Variants in KERA observed in about 807,000 individuals in gnomAD.
KERA encodes keratocan, also known as keratan sulfate proteoglycan keratocan.
Under a neutral mutation model 26.4 loss-of-function variants are expected in KERA, and 25 were observed. The observed-to-expected ratio is 0.95, with a 90% CI of 0.69 to 1.32. KERA has a LOEUF of 1.32. Ranked by LOEUF, KERA falls within the 40% of genes most tolerant of loss-of-function variation. The pLI, the probability that KERA is intolerant of heterozygous loss-of-function variation, is 0.00. For missense variants in KERA, 434 were observed against 408.9 expected (o/e 1.06, Z -0.53); for synonymous variants, 167 against 146.1 (o/e 1.14, Z -1.03).
Position 91,057,897 on chromosome 12 carries a change from C to G in KERA, c.-162G>C, listed in dbSNP as rs1879058421. On this transcript the variant is annotated 5_prime_UTR_variant, in exon 1 of 3. Coordinates refer to ENST00000266719, the MANE Select transcript of KERA (RefSeq NM_007035.4). ...GAGAAACAGTGAAACCTACTCGTCC[C>G]AGTCACCATGAACACCTTTGATCTA... 1 of 151,098 alleles carries G rather than the reference C, an allele frequency of 6.6e-6. No individual in the cohort carries two copies. Among genetic ancestry groups the G allele is most frequent in the Non-Finnish European group, 1.5e-5 (1 of 67,434 alleles). 9.4% of individuals were successfully genotyped at this position (151,098 alleles called of 1,614,324 possible).
Position 91,055,953 on chromosome 12 carries a change from T to C in KERA, c.329A>G (p.Tyr110Cys), listed in dbSNP as rs1335337911. ...INLNKNKITN[Y>C]GIEKGALSQL... ...GCTTAGGGCTCCTTTTTCAATTCCG[T>C]AGTTGGTTATTTTGTTCTTGTTTAG... Residue 110 changes from tyrosine (Y) to cysteine (C), a missense_variant, in exon 2 of 3, where the codon TAC (tyrosine) becomes TGC (cysteine). Tyr to Cys is a radical substitution (Grantham distance 194, BLOSUM62 -2). Transcript: ENST00000266719. 2 of 1,610,972 alleles carry C rather than the reference T, an allele frequency of 1.2e-6. No homozygotes were observed. The highest frequency in any genetic ancestry group is 1.3e-5 in the African/African-American group (1 of 74,610).
At chr12:91,054,672 G>A (rs561708506) in intron 2 of KERA, among the ~76,000 whole-genome samples, 2 of 151,446 alleles carry the variant, frequency 1.3e-5, no homozygotes, top group South Asian at 2.1e-4. Context: ...CAGGAAAGGA[G>A]AGAGTATTCT....
rs780507479 is a variant in KERA at position 91,055,666 on chromosome 12, T to C, written c.616A>G (p.Asn206Asp). The C allele has an allele frequency of 6.2e-7, 1 of 1,611,384 alleles. No homozygotes were observed. The highest frequency in any genetic ancestry group is 1.1e-5 in the South Asian group (1 of 91,028). Residue 206 changes from asparagine (N) to aspartate (D), a missense_variant, in exon 2 of 3, where the codon AAT becomes GAT. Transcript: ENST00000266719. ...QLNMAKNALR[N>D]MPPRLPANTM... ...TTGGCTGGTAATCTTGGAGGCATAT[T>C]CCTCAGGGCATTCTTGGCCATGTTT...
rs564718778 is a variant in KERA at position 91,054,714 on chromosome 12, T to G, written c.886+682A>C. 9.4e-4 allele frequency among the ~76,000 whole-genome samples: 143 copies of G among 151,388 alleles called. 1 individual carries two copies. The highest frequency in any genetic ancestry group is 3.2e-3 in the African/African-American group (133 of 41,442). On this transcript the variant is annotated intron_variant, in intron 2 of 2. Transcript: ENST00000266719. Reference sequence around the variant, plus strand: ...CGATTGCCTGTAAGTCCCAAGGAGTTGCCAGCTACCAGGGAAATTTCTTTC... The same window carrying G: ...CGATTGCCTGTAAGTCCCAAGGAGTGGCCAGCTACCAGGGAAATTTCTTTC...
At chr12:91,057,305 T>C (rs1879033182) in intron 1 of KERA, among the ~76,000 whole-genome samples, 3 of 149,332 alleles carry the variant, frequency 2.0e-5, no homozygotes, top group East Asian at 3.9e-4. Context: ...TTGGTACAAA[T>C]AATTATTTTA....
At chr12:91,052,229 G>A (rs1878886993) in intron 2 of KERA, among the ~76,000 whole-genome samples, 1 of 151,512 alleles carries the variant, frequency 6.6e-6, no homozygotes, top group African/African-American at 2.4e-5. Context: ...TTGTGCACCT[G>A]CCTTGGATCA....
intron 1 of KERA, among the ~76,000 whole-genome samples, chr12:91,056,571 T>C (rs529733507): frequency 6.6e-6 from 1 of 151,328 alleles, no homozygotes; most frequent in Admixed American, 6.6e-5. Context: ...CTCTAAGTGT[T>C]TTTCCATTTC....
Position 91,055,828 on chromosome 12 carries a change from T to A in KERA, c.454A>T (p.Asn152Tyr). The change falls in exon 2 of 3, where the codon AAT becomes TAT. Residue 152 changes from asparagine to tyrosine, a missense_variant. Physicochemically the swap from Asn to Tyr is moderately radical, Grantham distance 143. Coordinates refer to ENST00000266719, the MANE Select transcript of KERA (RefSeq NM_007035.4). ...CCTTGAGGAATTCTGGACACCTTAT[T>A]TCTAGCTAATTGTAATTGTTCTAAA... ...RSLEQLQLAR[N>Y]KVSRIPQGTF... 6.2e-7 allele frequency: 1 copy of A among 1,611,326 alleles called. No homozygotes were observed. Among genetic ancestry groups the A allele is most frequent in the Non-Finnish European group, 8.5e-7 (1 of 1,178,220 alleles).
chr12:91,051,371 C>A lies in KERA; in HGVS notation c.1034G>T (p.Arg345Ile), dbSNP rs1253783422. The change falls in exon 3 of 3, where the codon AGA becomes ATA. Residue 345 changes from arginine (R) to isoleucine (I), a missense_variant. Physicochemically the swap from Arg to Ile is moderately conservative, Grantham distance 97. Coordinates refer to ENST00000266719, the MANE Select transcript of KERA (RefSeq NM_007035.4). The part of the protein sequence containing the change: ...PIPMALMTCF[R>I]LLQAVII ...TTAAATAATGACAGCCTGCAGAAGT[C>A]TGAAGCAGGTCATTAAAGCCATTGG... is the stretch of plus-strand genomic sequence containing the variant. The A allele has an allele frequency of 1.2e-6, 2 of 1,611,126 alleles. No homozygotes were observed. Among genetic ancestry groups the A allele is most frequent in the East Asian group, 4.5e-5 (2 of 44,800 alleles).
rs12320366 is a variant in KERA, at chr12:91,056,207, C to T, written c.75G>A (p.Gln25=). 223,611 of 1,608,832 alleles carry T rather than the reference C, an allele frequency of 0.14. 21,262 individuals carry two copies. The highest frequency in any genetic ancestry group is 0.5 in the African/African-American group (37,070 of 74,576). ...CATCTGAATCATGTACTTCATAGAC[C>T]TGCCTCACACTTCTAGACCACACAG... is the stretch of plus-strand genomic sequence containing the variant. ...TDTVWSRSVR[Q]VYEVHDSDDW... is the part of the protein sequence containing the mutation. Residue 25 remains glutamine (Q), a synonymous_variant, in exon 2 of 3, where the codon CAG becomes CAA. Coordinates refer to ENST00000266719, the MANE Select transcript of KERA (RefSeq NM_007035.4).
chr12:91,056,007 T>C lies in KERA; in HGVS notation c.275A>G (p.Glu92Gly). 6.2e-7 allele frequency: 1 copy of C among 1,610,426 alleles called. No individual in the cohort carries two copies. Among genetic ancestry groups the C allele is most frequent in the South Asian group, 1.1e-5 (1 of 90,892 alleles). The change falls in exon 2 of 3, where the codon GAG becomes GGG. Residue 92 changes from glutamate to glycine, a missense_variant. By Grantham distance (98) the Glu-to-Gly change is moderately conservative (BLOSUM62 -2). Transcript: ENST00000266719. ...LIETIPEKPFENATQLRWINL... is the reference protein window; with the variant it reads ...LIETIPEKPFGNATQLRWINL... Reference sequence around the variant, plus strand: ...TATCCATCTTAGCTGGGTGGCATTCTCAAATGGCTTTTCAGGAATGGTTTC... The same window carrying C: ...TATCCATCTTAGCTGGGTGGCATTCCCAAATGGCTTTTCAGGAATGGTTTC...
Position 91,055,446 on chromosome 12 carries a change from CG to C in KERA, c.835del (p.Arg279GlufsTer19). ...AAGGTGCTGCAGATGAGCACTGATT[CG>C]GGGAACCTTTGTGAGTTGATTGTGC... ...LSHNQLTKVPRISAHLQHLHL... is the reference protein window; with the variant it reads ...LSHNQLTKVPXISAHLQHLHL... On this transcript the variant is annotated frameshift_variant, in exon 2 of 3. Transcript: ENST00000266719. LOFTEE classifies it high-confidence loss of function. 1 of 1,610,216 alleles carries C rather than the reference CG, an allele frequency of 6.2e-7. No individual in the cohort carries two copies. The highest frequency in any genetic ancestry group is 2.2e-5 in the East Asian group (1 of 44,776).
intron 1 of KERA, among the ~76,000 whole-genome samples, chr12:91,056,977 T>TCTCTC (rs1555186013): frequency 2.0e-5 from 3 of 146,980 alleles, no homozygotes; most frequent in African/African-American, 7.5e-5. Context: ...CTCTCTCCCT[T>TCTCTC]TCTCTCTCTC....
In KERA at chr12:91,050,873, A is replaced by G. The variant is rs1878848074; in HGVS notation, c.*473T>C. The G allele has an allele frequency of 1.2e-5, 2 of 163,462 alleles. No homozygotes were observed. Among genetic ancestry groups the G allele is most frequent in the Non-Finnish European group, 2.7e-5 (2 of 73,882 alleles). The allele number at this position is 163,462 out of a possible 1,614,324, so 10.1% of individuals were successfully genotyped here. A position where few individuals can be genotyped will look rare whatever the true frequency, so the allele number is the denominator to read the frequency against. ...TATCAAACTTGTACCACCAACAGCT[A>G]CTTAGCAATCTGCAATTGTTTTATT... On this transcript the variant is annotated 3_prime_UTR_variant, in exon 3 of 3. Coordinates refer to ENST00000266719, the MANE Select transcript of KERA (RefSeq NM_007035.4).
Position 91,056,272 on chromosome 12 carries a change from T to A in KERA, c.10A>T (p.Thr4Ser). The A allele has an allele frequency of 6.2e-7, 1 of 1,609,012 alleles. No individual in the cohort carries two copies. The highest frequency in any genetic ancestry group is 2.2e-5 in the East Asian group (1 of 44,724). The change falls in exon 2 of 3, where the codon ACA (threonine) becomes TCA (serine). Residue 4 changes from threonine (T) to serine (S), a missense_variant. Thr to Ser is a moderately conservative substitution (Grantham distance 58, BLOSUM62 1). Transcript: ENST00000266719. ...AACACCCACATGATGAAACAGATTGTGCCTGCCATTATAGCACCTACAGAA... is the reference window on the plus strand; with the variant it reads ...AACACCCACATGATGAAACAGATTGAGCCTGCCATTATAGCACCTACAGAA... MAG[T>S]ICFIMWVLFI...
intron 1 of KERA, among the ~76,000 whole-genome samples, chr12:91,056,977 T>TCTCTCTC (rs1555186013): frequency 4.8e-5 from 7 of 146,980 alleles, no homozygotes; most frequent in African/African-American, 1.8e-4. Flanking sequence ...CTCTCTCCCT[T>TCTCTCTC]TCTCTCTCTC....
Position 91,055,850 on chromosome 12 carries a change from T to C in KERA, c.432A>G (p.Leu144=). 1 of 1,611,352 alleles carries C rather than the reference T, an allele frequency of 6.2e-7. No individual in the cohort carries two copies. The change falls in exon 2 of 3, where the codon TTA becomes TTG. Residue 144 remains leucine (L), a synonymous_variant. Transcript: ENST00000266719. ...TATTTCTAGCTAATTGTAATTGTTC[T>C]AAACTTCTTGGCAATGGAGAAGGTA... is the stretch of plus-strand genomic sequence containing the variant. ...EEVPSPLPRS[L]EQLQLARNKV...
At chr12:91,053,811 T>C (rs764614099) in intron 2 of KERA, among the ~76,000 whole-genome samples, 6 of 151,374 alleles carry the variant, frequency 4.0e-5, no homozygotes, top group Non-Finnish European at 7.4e-5. Context: ...GCCTCACTCC[T>C]AAACACCCTA....
At position 91,051,137 on chromosome 12, in the gene KERA, T is replaced by G. The variant is rs1474959691; in HGVS notation, c.*209A>C. ...AAACTATCTTAACTCTGTGTCTGTT[T>G]TATTAATTAAAAGAAAAGCAAATTA... On this transcript the variant is annotated 3_prime_UTR_variant, in exon 3 of 3. Transcript: ENST00000266719. 3.7e-6 allele frequency: 2 copies of G among 537,936 alleles called. No individual in the cohort carries two copies. Among genetic ancestry groups the G allele is most frequent in the African/African-American group, 3.8e-5 (2 of 52,500 alleles). 33.3% of individuals were successfully genotyped at this position (537,936 alleles called of 1,614,324 possible).
Sources: gnomAD v4.1 joint callset for allele counts (sites outside exome capture counted in the v4.1 genomes callset) on GRCh38, gnomAD v4.1.1 for gene constraint, MANE v1.5 for transcripts, NCBI Gene and HGNC (gene_info 2026-07-23, HGNC 2026-07-21) for gene names.